SLC1A3: variants seen among roughly 807,000 people sequenced by gnomAD.
SLC1A3 encodes excitatory amino acid transporter 1.
A neutral mutation model predicts 48.1 loss-of-function variants in SLC1A3; 21 were observed. That is an observed-to-expected ratio of 0.44 (90% CI 0.31 to 0.63). The LOEUF (loss-of-function observed/expected upper bound fraction) is 0.63, where lower values mean the gene tolerates loss of function less well. Ranked by LOEUF, SLC1A3 falls within the 20% of genes least tolerant of loss-of-function variation. SLC1A3 has a pLI of 0.08. For missense variants in SLC1A3, 546 were observed against 689.0 expected (o/e 0.79, Z 2.32); for synonymous variants, 239 against 251.4 (o/e 0.95, Z 0.47).
chr5:36,658,363 T>C (rs1460157146), intron 3 of SLC1A3, among the ~76,000 whole-genome samples: 2 of 151,882 alleles, frequency 1.3e-5, no homozygotes, highest in East Asian at 3.9e-4. Flanking sequence ...AAAAGAAGGT[T>C]TGGGCCAGAG....
At chr5:36,651,163 A>T (rs1178788622) in intron 3 of SLC1A3, among the ~76,000 whole-genome samples, 1 of 114,796 alleles carries the variant, frequency 8.7e-6, no homozygotes, top group African/African-American at 2.7e-5. Context: ...AAAAAAAAAA[A>T]AAAGGAAATA....
chr5:36,658,566 G>A (rs1318795918), intron 3 of SLC1A3, among the ~76,000 whole-genome samples: 1 of 152,132 alleles, frequency 6.6e-6, no homozygotes, highest in Non-Finnish European at 1.5e-5. Context: ...TATCTCAAAG[G>A]GAAAGGGTTA....
chr5:36,671,243 T>G lies in SLC1A3; in HGVS notation c.524+10T>G. 1 of 1,602,958 alleles carries G rather than the reference T, an allele frequency of 6.2e-7. No individual in the cohort carries two copies. ...TCCTGGACTTGATCAGGTATGTCCT[T>G]GCAAGCCCGTCCTTTGGGGTGTATT... is the stretch of plus-strand genomic sequence containing the variant. On this transcript the variant is annotated intron_variant, in intron 4 of 9. Transcript: ENST00000265113.
chr5:36,628,275 T>G (rs1164000412), intron 2 of SLC1A3, among the ~76,000 whole-genome samples: 1 of 152,162 alleles, frequency 6.6e-6, no homozygotes, highest in Non-Finnish European at 1.5e-5. Flanking sequence ...AGAATTGAAA[T>G]TGGAGTTGCA....
chr5:36,659,921 C>G (rs975838485), intron 3 of SLC1A3, among the ~76,000 whole-genome samples: 2 of 152,206 alleles, frequency 1.3e-5, no homozygotes, highest in African/African-American at 4.8e-5. Flanking sequence ...CACTACCTTA[C>G]CAATTCATTC....
intron 5 of SLC1A3, among the ~76,000 whole-genome samples, chr5:36,674,401 C>G (rs984085150): frequency 1.3e-5 from 2 of 152,088 alleles, no homozygotes; most frequent in Admixed American, 6.6e-5. Context: ...CAAAAGCCCA[C>G]CAACCAAACA....
intron 3 of SLC1A3, among the ~76,000 whole-genome samples, chr5:36,662,116 C>A (rs1398383836): frequency 6.6e-6 from 1 of 152,182 alleles, no homozygotes; most frequent in Non-Finnish European, 1.5e-5. Flanking sequence ...AGAACTTCCT[C>A]TCATTAAACC....
rs1015417445 is a variant in SLC1A3 at position 36,686,347 on chromosome 5, T to C, written c.*78T>C. The C allele has an allele frequency of 9.1e-7, 1 of 1,103,168 alleles. No homozygotes were observed. Among genetic ancestry groups the C allele is most frequent in the Admixed American group, 1.7e-5 (1 of 58,456 alleles). 68.3% of individuals were successfully genotyped at this position (1,103,168 alleles called of 1,614,324 possible). A position where few individuals can be genotyped will look rare whatever the true frequency, so the allele number is the denominator to read the frequency against. On this transcript the variant is annotated 3_prime_UTR_variant, in exon 10 of 10. Transcript: ENST00000265113. ...AATCTTTCCATCTCATTACAGCTCA[T>C]TCGCTCCAGCAAGCCCGTCATCTTC...
At chr5:36,605,120 A>G (rs1738881706), upstream of SLC1A3, among the ~76,000 whole-genome samples, 1 of 152,342 alleles carries the variant, frequency 6.6e-6, no homozygotes, top group Middle Eastern at 3.4e-3. Context: ...CCACTTAAAA[A>G]GAGTTACTTA....
chr5:36,596,870 T>G (rs13165565), intron 1 of SLC1A3, among the ~76,000 whole-genome samples: 18,911 of 152,172 alleles, frequency 0.12, 1,422 homozygotes, highest in Non-Finnish European at 0.18. Context: ...CTTCCTCTAA[T>G]GGAAGAGAAG....
chr5:36,646,983 G>A (rs1007393273), intron 3 of SLC1A3, among the ~76,000 whole-genome samples: 3 of 152,312 alleles, frequency 2.0e-5, no homozygotes, highest in Non-Finnish European at 2.9e-5. Flanking sequence ...CACATTAACT[G>A]TGCTTCTGGG....
intron 2 of SLC1A3, among the ~76,000 whole-genome samples, chr5:36,624,501 G>A (rs1175088513): frequency 6.6e-6 from 1 of 152,146 alleles, no homozygotes; most frequent in Non-Finnish European, 1.5e-5. Context: ...CAATTTACCT[G>A]CCCTCTCAAT....
upstream of SLC1A3, among the ~76,000 whole-genome samples, chr5:36,601,461 C>T (rs145358170): frequency 5.1e-3 from 772 of 152,278 alleles, 9 homozygotes; most frequent in African/African-American, 0.017. Flanking sequence ...CCTAGTTTTA[C>T]GGATGACATT....
upstream of SLC1A3, among the ~76,000 whole-genome samples, chr5:36,602,263 G>A (rs1016137392): frequency 1.3e-5 from 2 of 152,134 alleles, no homozygotes; most frequent in Non-Finnish European, 2.9e-5. Flanking sequence ...TTGTCTTAGC[G>A]CTGACTATGA....
At chr5:36,625,628 T>C (rs1561247982) in intron 2 of SLC1A3, among the ~76,000 whole-genome samples, 2 of 152,076 alleles carry the variant, frequency 1.3e-5, no homozygotes, top group South Asian at 2.1e-4. Context: ...AACCCAGAAA[T>C]AGTAAACCAA....
At chr5:36,629,390 T>C in intron 2 of SLC1A3, 60 bp from the exon 3 acceptor site, 1 of 1,461,540 alleles carries the variant, frequency 6.8e-7, no homozygotes, top group Non-Finnish European at 9.4e-7. Context: ...GCTAGGGCTG[T>C]TCCTTCTGTT....
intron 2 of SLC1A3, among the ~76,000 whole-genome samples, chr5:36,617,194 C>T (rs949908691): frequency 6.6e-6 from 1 of 152,134 alleles, no homozygotes; most frequent in African/African-American, 2.4e-5. Context: ...GCGGTTTGGT[C>T]AGAAAGTGAT....
At chr5:36,601,462 G>GGAT (rs1561230021), upstream of SLC1A3, among the ~76,000 whole-genome samples, 1 of 152,182 alleles carries the variant, frequency 6.6e-6, no homozygotes, top group African/African-American at 2.4e-5. Context: ...CTAGTTTTAC[G>GGAT]GATGACATTC....
chr5:36,599,656 T>A (rs923569082), intron 1 of SLC1A3, among the ~76,000 whole-genome samples: 1 of 150,446 alleles, frequency 6.6e-6, no homozygotes, highest in African/African-American at 2.5e-5. Flanking sequence ...ACTACAGGTG[T>A]GCGCCACCAC....
Sources: allele counts gnomAD v4.1 joint callset (sites outside exome capture counted in the v4.1 genomes callset), GRCh38; gene constraint gnomAD v4.1.1; transcripts MANE v1.5; gene names NCBI Gene and HGNC (gene_info 2026-07-23, HGNC 2026-07-21).